The following ZNF138 variants were observed in gnomAD, a reference collection of about 807,000 sequenced individuals.
ZNF138 encodes zinc finger protein 138, also known as zinc finger protein 138 (clone pHZ-32).
In ZNF138, 33 loss-of-function variants were observed where a neutral mutation model predicts 33.0. The ratio of observed to expected loss-of-function variants is 1.00; its 90% confidence interval spans 0.76 to 1.34. The LOEUF is 1.34. Ranked by LOEUF, ZNF138 falls within the 40% of genes most tolerant of loss-of-function variation. The probability of loss-of-function intolerance (pLI) is 0.00; values close to 1 mark genes in which losing one functional copy is unlikely to be tolerated. For missense variants in ZNF138, 360 were observed against 370.8 expected (o/e 0.97, Z 0.24); for synonymous variants, 139 against 120.4 (o/e 1.15, Z -1.01).
intron 3 of ZNF138, among the ~76,000 whole-genome samples, chr7:64,818,449 A>G (rs544879294): frequency 6.6e-6 from 1 of 151,974 alleles, no homozygotes; most frequent in Non-Finnish European, 1.5e-5. Flanking sequence ...AATTATGTAT[A>G]GTTTCTTTAA....
intron 1 of ZNF138, among the ~76,000 whole-genome samples, chr7:64,807,939 A>G (rs533261364): frequency 1.3e-5 from 2 of 152,346 alleles, no homozygotes; most frequent in East Asian, 1.9e-4. Context: ...GGAGTAGAGT[A>G]TTCTTGTCTT....
chr7:64,807,069 G>A (rs139752609), intron 1 of ZNF138, among the ~76,000 whole-genome samples: 13 of 152,350 alleles, frequency 8.5e-5, no homozygotes, highest in South Asian at 4.1e-4. Context: ...TAGCATGAGC[G>A]ATCTGTGACT....
intron 3 of ZNF138, chr7:64,831,075 A>G (rs1790043416): frequency 1.3e-6 from 2 of 1,550,176 alleles, no homozygotes; most frequent in African/African-American, 1.4e-5. Context: ...AGAAATAAAG[A>G]TGTATGTGTT....
chr7:64,844,579 C>T, the ZNF138 span, among the ~76,000 whole-genome samples: 1 of 135,158 alleles, frequency 7.4e-6, no homozygotes, highest in Non-Finnish European at 1.6e-5. Flanking sequence ...CCCTGAGGTC[C>T]CTTTCACTCT....
intron 1 of ZNF138, among the ~76,000 whole-genome samples, chr7:64,799,369 T>TTAG (rs1786960554): frequency 6.6e-6 from 1 of 152,086 alleles, no homozygotes; most frequent in Non-Finnish European, 1.5e-5. Context: ...TTTCTCCATG[T>TTAG]TCAGGCTGGT....
chr7:64,837,845 A>G (rs1298029438), downstream of ZNF138, among the ~76,000 whole-genome samples: 1 of 152,152 alleles, frequency 6.6e-6, no homozygotes, highest in Admixed American at 6.5e-5. Flanking sequence ...CTAACCTGAG[A>G]AAGTGTTTAC....
chr7:64,795,645 C>T (rs562339466), intron 1 of ZNF138, among the ~76,000 whole-genome samples: 1 of 150,654 alleles, frequency 6.6e-6, no homozygotes, highest in South Asian at 2.1e-4. Context: ...ACCAAAGACT[C>T]ATCCCCTGAT....
intron 3 of ZNF138, among the ~76,000 whole-genome samples, chr7:64,818,000 T>A (rs534483224): frequency 0.016 from 2,340 of 148,754 alleles, 56 homozygotes; most frequent in African/African-American, 0.052. Context: ...ATTATTATTT[T>A]TTTTTTTTTT....
downstream of ZNF138, among the ~76,000 whole-genome samples, chr7:64,838,618 A>G (rs563780350): frequency 2.6e-5 from 4 of 152,114 alleles, no homozygotes; most frequent in Non-Finnish European, 4.4e-5. Flanking sequence ...TTTGAACGCC[A>G]GCTTTACTAA....
At chr7:64,847,330 A>ATTT in the ZNF138 span, among the ~76,000 whole-genome samples, 3 of 111,368 alleles carry the variant, frequency 2.7e-5, no homozygotes, top group African/African-American at 1.0e-4. Context: ...ATATATATAT[A>ATTT]TATTTTTTTT....
chr7:64,828,849 C>T (rs1240809134), intron 3 of ZNF138, among the ~76,000 whole-genome samples: 1 of 151,566 alleles, frequency 6.6e-6, no homozygotes, highest in Non-Finnish European at 1.5e-5. Context: ...TTTGGTGTTG[C>T]TGTTTCTATT....
At chr7:64,841,501 A>G in the ZNF138 span, among the ~76,000 whole-genome samples, 4 of 152,210 alleles carry the variant, frequency 2.6e-5, no homozygotes, top group East Asian at 7.7e-4. Context: ...TGTAAGTTCA[A>G]GTCGGAGAGG....
chr7:64,844,672 T>TTTTTG, the ZNF138 span, among the ~76,000 whole-genome samples: 11,277 of 150,470 alleles, frequency 0.075, 565 homozygotes, highest in East Asian at 0.14. Context: ...TTTATGTGTT[T>TTTTTG]TTTTGTTTTG....
chr7:64,852,634 C>T, the ZNF138 span: 1 of 1,445,880 alleles, frequency 6.9e-7, no homozygotes, highest in Non-Finnish European at 9.7e-7. Context: ...TCGCCATGTT[C>T]ATCATCACCT....
rs933176852 is a variant in ZNF138 at position 64,825,817 on chromosome 7, A to G, written c.209-5634A>G. Among the ~76,000 whole-genome samples the G allele has an allele frequency of 1.4e-3, 206 of 151,034 alleles. 3 individuals carry two copies. The highest frequency in any genetic ancestry group is 3.6e-3 in the Middle Eastern group (1 of 276). Reference sequence around the variant, plus strand: ...CTCCCAAAATGTTGGGATTACAGGCATGAGCCCCCGCGCCTGGCCATTATT... The same window carrying G: ...CTCCCAAAATGTTGGGATTACAGGCGTGAGCCCCCGCGCCTGGCCATTATT... On this transcript the variant is annotated intron_variant, in intron 3 of 3. Transcript: ENST00000307355.
intron 3 of ZNF138, among the ~76,000 whole-genome samples, chr7:64,826,441 G>A (rs562457854): frequency 2.0e-5 from 3 of 151,966 alleles, no homozygotes; most frequent in East Asian, 1.9e-4. Flanking sequence ...CACCATGCCC[G>A]GCTAATTTTT....
At chr7:64,841,318 CATT>C in the ZNF138 span, among the ~76,000 whole-genome samples, 2 of 151,978 alleles carry the variant, frequency 1.3e-5, no homozygotes, top group Non-Finnish European at 2.9e-5. Flanking sequence ...TTTTTGTTCT[CATT>C]ATAATTGACA....
At chr7:64,849,818 C>T in the ZNF138 span, among the ~76,000 whole-genome samples, 3 of 152,094 alleles carry the variant, frequency 2.0e-5, no homozygotes, top group Non-Finnish European at 2.9e-5. Flanking sequence ...CCCAAGAGCA[C>T]CGAGTGTTCT....
intron 1 of ZNF138, among the ~76,000 whole-genome samples, chr7:64,804,521 G>A (rs1562889831): frequency 6.6e-6 from 1 of 152,096 alleles, no homozygotes; most frequent in Non-Finnish European, 1.5e-5. Context: ...GTTTTTGTCT[G>A]CAGCTTGTCC....
Sources: gnomAD v4.1 joint callset for allele counts (sites outside exome capture counted in the v4.1 genomes callset) on GRCh38, gnomAD v4.1.1 for gene constraint, MANE v1.5 for transcripts, NCBI Gene and HGNC (gene_info 2026-07-23, HGNC 2026-07-21) for gene names.